PTPRC: variants seen among roughly 807,000 people sequenced by gnomAD.
PTPRC encodes protein tyrosine phosphatase receptor type C.
Under a neutral mutation model 155.9 loss-of-function variants are expected in PTPRC, and 44 were observed. The observed-to-expected ratio is 0.28, with a 90% CI of 0.22 to 0.36. The LOEUF (loss-of-function observed/expected upper bound fraction) is 0.36, where lower values mean the gene tolerates loss of function less well. Among genes scored for constraint, PTPRC ranks in the 10% least tolerant of loss-of-function variants. The pLI, the probability that PTPRC is intolerant of heterozygous loss-of-function variation, is 1.00. For synonymous variants in PTPRC, 525 were observed against 533.1 expected, an observed-to-expected ratio of 0.98 and a Z score of 0.21; for missense variants, 1,401 against 1,564.6, an observed-to-expected ratio of 0.90 and a Z score of 1.76.
chr1:198,690,221 CTT>C (rs1665855918), intron 2 of PTPRC, among the ~76,000 whole-genome samples: 1 of 152,142 alleles, frequency 6.6e-6, no homozygotes, highest in Admixed American at 6.5e-5. Context: ...ATGAAGGACA[CTT>C]TTCCTTTCAC....
intron 2 of PTPRC, among the ~76,000 whole-genome samples, chr1:198,687,113 C>T (rs4915314): frequency 0.12 from 18,186 of 152,204 alleles, 1,209 homozygotes; most frequent in East Asian, 0.19. Flanking sequence ...TGGGCGTAGC[C>T]TCCCAAGTAG....
At chr1:198,736,147 G>T (rs1302432322) in intron 23 of PTPRC, among the ~76,000 whole-genome samples, 9 of 151,380 alleles carry the variant, frequency 5.9e-5, no homozygotes, top group Non-Finnish European at 7.4e-5. Flanking sequence ...GGTAAATGGG[G>T]CATCCATCAT....
At chr1:198,657,062 A>G (rs1362171749) in intron 2 of PTPRC, among the ~76,000 whole-genome samples, 1 of 151,170 alleles carries the variant, frequency 6.6e-6, no homozygotes, top group East Asian at 1.9e-4. Context: ...AAATATATAT[A>G]TACACACACA....
chr1:198,697,268 C>G (rs764628204), intron 4 of PTPRC, among the ~76,000 whole-genome samples: 6 of 152,182 alleles, frequency 3.9e-5, no homozygotes, highest in Non-Finnish European at 5.9e-5. Flanking sequence ...CAGTTCTACT[C>G]TCCTTGGAAG....
chr1:198,679,834 G>C (rs1056042848), intron 2 of PTPRC: 1 of 557,272 alleles, frequency 1.8e-6, no homozygotes, highest in Non-Finnish European at 3.2e-6. Flanking sequence ...GGGAGCGTCC[G>C]GGTCTGTTAG....
intron 2 of PTPRC, among the ~76,000 whole-genome samples, chr1:198,658,756 T>C (rs1663750478): frequency 6.6e-6 from 1 of 152,152 alleles, no homozygotes; most frequent in Admixed American, 6.5e-5. Flanking sequence ...TTATGTTCCT[T>C]TCTGGAAAAT....
intron 26 of PTPRC, among the ~76,000 whole-genome samples, chr1:198,747,206 A>C (rs1655172695): frequency 6.6e-6 from 1 of 151,600 alleles, no homozygotes; most frequent in Non-Finnish European, 1.5e-5. Context: ...CCTAGAGGGT[A>C]AGAAAAGTTA....
chr1:198,641,886 C>T (rs1452910718), intron 2 of PTPRC, among the ~76,000 whole-genome samples: 1 of 151,954 alleles, frequency 6.6e-6, no homozygotes, highest in Non-Finnish European at 1.5e-5. Flanking sequence ...AAATATATAT[C>T]TCATGTTATA....
intron 2 of PTPRC, among the ~76,000 whole-genome samples, chr1:198,662,477 TGA>T (rs1401065336): frequency 0.01 from 619 of 59,428 alleles, 4 homozygotes; most frequent in Non-Finnish European, 0.013. Context: ...TGTGTGTGTG[TGA>T]GAGTGTGTGT....
intron 17 of PTPRC, among the ~76,000 whole-genome samples, chr1:198,729,746 A>G (rs1260424266): frequency 6.6e-6 from 1 of 152,216 alleles, no homozygotes; most frequent in African/African-American, 2.4e-5. Context: ...AGGAAAGCAG[A>G]TATCTCAACA....
intron 2 of PTPRC, among the ~76,000 whole-genome samples, chr1:198,686,391 A>T (rs1016987010): frequency 7.9e-5 from 12 of 152,180 alleles, no homozygotes; most frequent in African/African-American, 2.7e-4. Flanking sequence ...TTTAAGTTTT[A>T]AAAAATGTAG....
chr1:198,650,012 T>C (rs1663160266), intron 2 of PTPRC, among the ~76,000 whole-genome samples: 1 of 151,806 alleles, frequency 6.6e-6, no homozygotes, highest in Non-Finnish European at 1.5e-5. Flanking sequence ...TTGAGCTACC[T>C]GTTGGCTGAC....
intron 4 of PTPRC, among the ~76,000 whole-genome samples, chr1:198,698,271 G>T (rs1489564162): frequency 1.3e-5 from 2 of 152,088 alleles, no homozygotes; most frequent in East Asian, 3.9e-4. Context: ...TTGAAAATAA[G>T]GATGAATAAT....
chr1:198,744,328 C>T, intron 26 of PTPRC, 125 bp downstream of exon 26: 1 of 951,800 alleles, frequency 1.1e-6, no homozygotes. Context: ...ACCAAAGGAG[C>T]ACAGATGAGA....
chr1:198,662,481 A>T (rs61829720), intron 2 of PTPRC, among the ~76,000 whole-genome samples: 35 of 124,888 alleles, frequency 2.8e-4, no homozygotes, highest in African/African-American at 8.7e-4. Flanking sequence ...TGTGTGTGAG[A>T]GTGTGTGTGT....
chr1:198,720,756 T>C (rs1267383707), intron 14 of PTPRC, among the ~76,000 whole-genome samples: 1 of 152,238 alleles, frequency 6.6e-6, no homozygotes, highest in Non-Finnish European at 1.5e-5. Context: ...TCTTTTCAGA[T>C]ATTTTACTCT....
At position 198,757,134 on chromosome 1, in the gene PTPRC, T is replaced by C. The variant is rs1655720318; in HGVS notation, c.*953T>C. ...TTTCATTGATATGAAAAATATGATA[T>C]TGCATATGCATAGTTCCCATGTTAA... On this transcript the variant is annotated 3_prime_UTR_variant, in exon 33 of 33. Transcript: ENST00000442510. The C allele has an allele frequency of 6.6e-6, 1 of 151,988 alleles. No homozygotes were observed. The highest frequency in any genetic ancestry group is 1.5e-5 in the Non-Finnish European group (1 of 67,810). 9.4% of individuals were successfully genotyped at this position (151,988 alleles called of 1,614,324 possible). A position where few individuals can be genotyped will look rare whatever the true frequency, so the allele number is the denominator to read the frequency against.
At chr1:198,755,812 C>CAAAT in intron 32 of PTPRC, 94 bp from the exon 33 acceptor site, 7 of 1,333,550 alleles carry the variant, frequency 5.2e-6, no homozygotes, top group Non-Finnish European at 6.4e-6. Context: ...AATACTTCCA[C>CAAAT]AAATAAATCA....
In PTPRC at chr1:198,702,552, A is replaced by G. The variant is rs374024661; in HGVS notation, c.583+22A>G. The G allele has an allele frequency of 1.9e-6, 3 of 1,613,556 alleles. No homozygotes were observed. The African/African-American group carries it at 4.0e-5, about 22-fold the overall frequency. Reference sequence around the variant, plus strand: ...TCAGGTCTGACTATGCTGCTCTAGTAGTGTCTTCAGTTATAGATAATGAAA... The same window carrying G: ...TCAGGTCTGACTATGCTGCTCTAGTGGTGTCTTCAGTTATAGATAATGAAA... On this transcript the variant is annotated intron_variant, in intron 6 of 32. Coordinates refer to ENST00000442510, the MANE Select transcript of PTPRC (RefSeq NM_002838.5).
Sources: allele counts gnomAD v4.1 joint callset (sites outside exome capture counted in the v4.1 genomes callset), GRCh38; gene constraint gnomAD v4.1.1; transcripts MANE v1.5; gene names NCBI Gene and HGNC (gene_info 2026-07-23, HGNC 2026-07-21).